TMEM232: variants seen among roughly 807,000 people sequenced by gnomAD.
The protein encoded by TMEM232 is transmembrane protein 232.
A neutral mutation model predicts 78.8 loss-of-function variants in TMEM232; 80 were observed. The ratio of observed to expected loss-of-function variants is 1.01; its 90% CI spans 0.85 to 1.22. TMEM232 has a LOEUF of 1.22. TMEM232 is among the 50% of genes most tolerant of loss of function. The pLI, the probability that TMEM232 is intolerant of heterozygous loss-of-function variation, is 0.00. For missense variants in TMEM232, 881 were observed against 742.2 expected, an observed-to-expected ratio of 1.19 and a Z score of -2.17; for synonymous variants, 297 against 254.3, an observed-to-expected ratio of 1.17 and a Z score of -1.60.
In TMEM232 at chr5:110,570,353, A is replaced by G. The variant is rs528304190; in HGVS notation, c.1277-1728T>C. Among the ~76,000 whole-genome samples the G allele has an allele frequency of 3.3e-5, 5 of 152,146 alleles. No homozygotes were observed. The East Asian group carries it at 9.7e-4, about 30-fold the overall frequency. On this transcript the variant is annotated intron_variant, in intron 10 of 13. Coordinates refer to ENST00000455884, the MANE Select transcript of TMEM232 (RefSeq NM_001039763.4). Reference sequence around the variant, plus strand: ...ATTTAAGGTTTTGGGGTTTTCTTAAACCATTTTCTTTGTGAATAGTCTTGA... The same window carrying G: ...ATTTAAGGTTTTGGGGTTTTCTTAAGCCATTTTCTTTGTGAATAGTCTTGA...
chr5:110,540,594 G>A (rs116337602), intron 11 of TMEM232, among the ~76,000 whole-genome samples: 1 of 152,294 alleles, frequency 6.6e-6, no homozygotes, highest in African/African-American at 2.4e-5. Flanking sequence ...CCCAGATTCT[G>A]AGGATAACTG....
intron 12 of TMEM232, among the ~76,000 whole-genome samples, chr5:110,445,598 C>CA (rs930856993): frequency 6.6e-6 from 1 of 151,992 alleles, no homozygotes; most frequent in African/African-American, 2.4e-5. Context: ...CAACTTAAAA[C>CA]AAAAAACATT....
intron 7 of TMEM232, among the ~76,000 whole-genome samples, chr5:110,619,670 A>G (rs191841747): frequency 1.3e-5 from 2 of 152,234 alleles, no homozygotes; most frequent in East Asian, 1.9e-4. Flanking sequence ...ATATAACTCA[A>G]TTTTCTGCTT....
At chr5:110,699,018 C>G (rs1795133846) in intron 1 of TMEM232, among the ~76,000 whole-genome samples, 1 of 151,962 alleles carries the variant, frequency 6.6e-6, no homozygotes, top group South Asian at 2.1e-4. Flanking sequence ...TCCTGATGGG[C>G]AGTCCCATAG....
intron 1 of TMEM232, among the ~76,000 whole-genome samples, chr5:110,700,506 T>C (rs1795303164): frequency 6.6e-6 from 1 of 152,028 alleles, no homozygotes; most frequent in Non-Finnish European, 1.5e-5. Context: ...TGGTCAGATA[T>C]GCAGATCAAA....
intron 10 of TMEM232, among the ~76,000 whole-genome samples, chr5:110,591,078 TTAATTTCTTAGAA>T (rs956176746): frequency 2.0e-5 from 3 of 152,198 alleles, no homozygotes; most frequent in African/African-American, 7.2e-5. Context: ...AGTCATTATT[TTAATTTCTTAGAA>T]TAATGCCTTC....
At chr5:110,638,175 T>C (rs1345343117) in intron 5 of TMEM232, 23 bp downstream of exon 5, 1 of 1,513,678 alleles carries the variant, frequency 6.6e-7, no homozygotes, top group East Asian at 2.5e-5. Context: ...TTTAAAAACA[T>C]TAAGAAGTTT....
At chr5:110,406,045 C>T (rs1755777720) in intron 2 of TMEM232, among the ~76,000 whole-genome samples, 1 of 151,694 alleles carries the variant, frequency 6.6e-6, no homozygotes, top group Admixed American at 6.6e-5. Context: ...ACATTATATA[C>T]AAAGAAACAG....
At chr5:110,732,347 C>A (rs999527985) in intron 2 of TMEM232, among the ~76,000 whole-genome samples, 1 of 152,162 alleles carries the variant, frequency 6.6e-6, no homozygotes, top group Non-Finnish European at 1.5e-5. Flanking sequence ...GTTATCTTTT[C>A]AGCAACGTCC....
At chr5:110,606,084 C>A in intron 9 of TMEM232, 80 bp downstream of exon 9, 1 of 1,380,164 alleles carries the variant, frequency 7.2e-7, no homozygotes. Flanking sequence ...TGCGCTAATA[C>A]GATATACAAT....
chr5:110,622,623 G>T (rs1397415883), intron 7 of TMEM232, among the ~76,000 whole-genome samples: 1 of 152,052 alleles, frequency 6.6e-6, no homozygotes, highest in Non-Finnish European at 1.5e-5. Flanking sequence ...CCAAGTCTTT[G>T]CTATCGTGAA....
chr5:110,587,691 ATG>A (rs147127408), intron 10 of TMEM232, among the ~76,000 whole-genome samples: 1,539 of 62,942 alleles, frequency 0.024, 14 homozygotes, highest in South Asian at 0.033. Flanking sequence ...ATATATATAT[ATG>A]TGTGTGTGTG....
chr5:110,704,253 T>C lies in TMEM232; in HGVS notation c.-13+22374A>G, dbSNP rs142253744. Reference sequence around the variant, plus strand: ...TTGGAGAGAACCTTATCAAGTATTATTGACATACCATACCTGTGCAGCTAT... The same window carrying C: ...TTGGAGAGAACCTTATCAAGTATTACTGACATACCATACCTGTGCAGCTAT... On this transcript the variant is annotated intron_variant, in intron 1 of 13. Coordinates refer to ENST00000455884, the MANE Select transcript of TMEM232 (RefSeq NM_001039763.4). 6.4e-3 allele frequency among the ~76,000 whole-genome samples: 967 copies of C among 152,216 alleles called. 18 individuals are homozygous for C. Among genetic ancestry groups the C allele is most frequent in the African/African-American group, 0.022 (895 of 41,554 alleles).
Position 110,528,834 on chromosome 5 carries a change from G to A in TMEM232, c.1457C>T (p.Ala486Val). Residue 486 changes from alanine (A) to valine (V), a missense_variant and splice_region_variant, in exon 12 of 14, where the codon GCT becomes GTT. By Grantham distance (64) the Ala-to-Val change is moderately conservative. Transcript: ENST00000455884. The stretch of plus-strand genomic sequence containing the variant: ...AGGATCAGTTGGGTCATTTAACTCA[G>A]CCTGTTGAAAGAAAAGAGAAAGGAA... ...RIQNAINIAQ[A>V]ELNDPTDPFT... 7.0e-7 allele frequency: 1 copy of A among 1,429,874 alleles called. No individual in the cohort carries two copies. The allele number at this position is 1,429,874 out of a possible 1,614,324, so 88.6% of individuals were successfully genotyped here. A position where few individuals can be genotyped will look rare whatever the true frequency, so the allele number is the denominator to read the frequency against.
intron 12 of TMEM232, among the ~76,000 whole-genome samples, chr5:110,455,039 C>T (rs1366565728): frequency 6.6e-6 from 1 of 151,706 alleles, no homozygotes; most frequent in African/African-American, 2.4e-5. Context: ...ATATTACAAA[C>T]AATTAGATGC....
At chr5:110,477,429 A>C (rs1763367944) in intron 12 of TMEM232, among the ~76,000 whole-genome samples, 1 of 151,938 alleles carries the variant, frequency 6.6e-6, no homozygotes, top group Non-Finnish European at 1.5e-5. Flanking sequence ...CATACTGAGA[A>C]GCAGTCCAGC....
At chr5:110,513,058 A>G (rs552851691) in intron 12 of TMEM232, among the ~76,000 whole-genome samples, 5 of 152,338 alleles carry the variant, frequency 3.3e-5, no homozygotes, top group South Asian at 2.1e-4. Context: ...GATGACACCC[A>G]TAATTCCTGC....
chr5:110,723,543 A>T (rs1797863470), intron 1 of TMEM232, among the ~76,000 whole-genome samples: 1 of 152,156 alleles, frequency 6.6e-6, no homozygotes, highest in Non-Finnish European at 1.5e-5. Context: ...GTATCCTGAA[A>T]ATCTCAAAAT....
intron 11 of TMEM232, among the ~76,000 whole-genome samples, chr5:110,536,239 C>T (rs1772335704): frequency 6.6e-6 from 1 of 152,206 alleles, no homozygotes; most frequent in Non-Finnish European, 1.5e-5. Context: ...TGTGGAAGCC[C>T]TTGACTGCCA....
Sources: allele counts gnomAD v4.1 joint callset (sites outside exome capture counted in the v4.1 genomes callset), GRCh38; gene constraint gnomAD v4.1.1; transcripts MANE v1.5; gene names NCBI Gene and HGNC (gene_info 2026-07-23, HGNC 2026-07-21).